POU2F1: variants seen among roughly 807,000 people sequenced by gnomAD.
The protein encoded by POU2F1 is POU domain, class 2, transcription factor 1.
A neutral mutation model predicts 84.9 loss-of-function variants in POU2F1; 16 were observed. That is an observed-to-expected ratio of 0.19 (90% CI 0.13 to 0.29). The LOEUF is 0.29. Among genes scored for constraint, POU2F1 ranks in the 10% least tolerant of loss-of-function variants. POU2F1 has a pLI of 1.00. For missense variants in POU2F1, 738 were observed against 942.6 expected (o/e 0.78, Z 2.84); for synonymous variants, 368 against 368.3 (o/e 1.00, Z 0.01).
chr1:167,260,033 C>A (rs1651438222), intron 1 of POU2F1, among the ~76,000 whole-genome samples: 2 of 152,118 alleles, frequency 1.3e-5, no homozygotes, highest in Admixed American at 1.3e-4. Context: ...CACCCGCCAC[C>A]ACGCCCGGCA....
At chr1:167,300,082 CA>C (rs1457931286) in intron 1 of POU2F1, among the ~76,000 whole-genome samples, 3 of 152,142 alleles carry the variant, frequency 2.0e-5, no homozygotes, top group Non-Finnish European at 4.4e-5. Context: ...ACTACACAAC[CA>C]TAAAAAGAAC....
At chr1:167,399,041 C>T in intron 11 of POU2F1, 145 bp from the exon 12 acceptor site, 1 of 628,022 alleles carries the variant, frequency 1.6e-6, no homozygotes, top group Non-Finnish European at 2.6e-6. Flanking sequence ...GAACTTCTAT[C>T]TACACAATCT....
At chr1:167,354,539 G>A (rs1571354788) in intron 2 of POU2F1, among the ~76,000 whole-genome samples, 2 of 152,124 alleles carry the variant, frequency 1.3e-5, no homozygotes, top group African/African-American at 2.4e-5. Flanking sequence ...TGATCTGCCC[G>A]TCTCGGCCTC....
intron 4 of POU2F1, among the ~76,000 whole-genome samples, chr1:167,371,151 T>G (rs546013219): frequency 6.6e-6 from 1 of 152,280 alleles, no homozygotes; most frequent in Admixed American, 6.5e-5. Context: ...GGCGGAAAAT[T>G]GCCTTGGTTG....
chr1:167,335,212 T>C (rs1034570562), intron 2 of POU2F1, among the ~76,000 whole-genome samples: 4 of 152,166 alleles, frequency 2.6e-5, no homozygotes, highest in South Asian at 2.1e-4. Flanking sequence ...ACAATGCAAA[T>C]AGATGAAATA....
intron 1 of POU2F1, among the ~76,000 whole-genome samples, chr1:167,284,868 GTTGAA>G (rs1273931687): frequency 6.6e-6 from 1 of 152,154 alleles, no homozygotes; most frequent in Non-Finnish European, 1.5e-5. Flanking sequence ...ATAAATGTTT[GTTGAA>G]TTGAATTGAA....
intron 1 of POU2F1, among the ~76,000 whole-genome samples, chr1:167,253,111 T>G (rs1210236718): frequency 1.3e-5 from 2 of 152,230 alleles, no homozygotes; most frequent in Non-Finnish European, 2.9e-5. Context: ...AATTTACTGT[T>G]GAAATACTTG....
chr1:167,358,294 G>A (rs1313853553), intron 2 of POU2F1, among the ~76,000 whole-genome samples: 1 of 151,540 alleles, frequency 6.6e-6, no homozygotes, highest in African/African-American at 2.4e-5. Flanking sequence ...TAGTAGATTA[G>A]GTTTGCTATT....
chr1:167,231,686 T>C (rs1649071484), intron 1 of POU2F1, among the ~76,000 whole-genome samples: 2 of 152,110 alleles, frequency 1.3e-5, no homozygotes, highest in Non-Finnish European at 2.9e-5. Flanking sequence ...GTTGGGGAAA[T>C]CATATGTTAA....
chr1:167,416,939 G>GTGTT lies in POU2F1; in HGVS notation c.*1142_*1145dup, dbSNP rs1238936894. On this transcript the variant is annotated 3_prime_UTR_variant, in exon 16 of 16. Coordinates refer to ENST00000367866, the MANE Select transcript of POU2F1 (RefSeq NM_002697.4). ...CCTGAAAAATGCTCCTGCTGTTGGT[G>GTGTT]TGTTTGTTTGTTTGTTCCATTTTGT... 3 of 152,076 alleles carry GTGTT rather than the reference G, an allele frequency of 2.0e-5. No individual in the cohort carries two copies. Among genetic ancestry groups the GTGTT allele is most frequent in the African/African-American group, 7.2e-5 (3 of 41,392 alleles). 9.4% of individuals were successfully genotyped at this position (152,076 alleles called of 1,614,324 possible). A position where few individuals can be genotyped will look rare whatever the true frequency, so the allele number is the denominator to read the frequency against.
chr1:167,264,647 T>C (rs1651811196), intron 1 of POU2F1, among the ~76,000 whole-genome samples: 1 of 152,216 alleles, frequency 6.6e-6, no homozygotes, highest in African/African-American at 2.4e-5. Flanking sequence ...GTCTCCACCC[T>C]GGTATAAATC....
chr1:167,415,492 G>A lies in POU2F1; in HGVS notation c.1991-8G>A. ...TTCCTGCCTGTTTTGGGGGGTTTTT[G>A]TCTGTAGCTCTTGCTTCTGGTGGCT... On this transcript the variant is annotated splice_region_variant and splice_polypyrimidine_tract_variant and intron_variant, in intron 15 of 15. Transcript: ENST00000367866. 6.2e-7 allele frequency: 1 copy of A among 1,612,638 alleles called. No individual in the cohort carries two copies. The highest frequency in any genetic ancestry group is 8.5e-7 in the Non-Finnish European group (1 of 1,179,192).
intron 2 of POU2F1, among the ~76,000 whole-genome samples, chr1:167,349,555 C>T (rs750232590): frequency 1.6e-4 from 24 of 152,262 alleles, no homozygotes; most frequent in Non-Finnish European, 2.8e-4. Context: ...ACAGTGCTTG[C>T]TATACAGTAT....
chr1:167,295,654 TAA>T (rs1244403843), intron 1 of POU2F1, among the ~76,000 whole-genome samples: 2 of 152,226 alleles, frequency 1.3e-5, no homozygotes, highest in African/African-American at 4.8e-5. Flanking sequence ...ATTGAAATTT[TAA>T]AAGACATTTT....
In POU2F1 at chr1:167,417,204, C is replaced by G. The variant is rs967279436; in HGVS notation, c.*1394C>G. Reference sequence around the variant, plus strand: ...AAATTCCTCTAACCCTGAGATTCTTCTTGGTTCTCTGACTAAAGGAGGCAC... The same window carrying G: ...AAATTCCTCTAACCCTGAGATTCTTGTTGGTTCTCTGACTAAAGGAGGCAC... On this transcript the variant is annotated 3_prime_UTR_variant, in exon 16 of 16. Coordinates refer to ENST00000367866, the MANE Select transcript of POU2F1 (RefSeq NM_002697.4). The G allele has an allele frequency of 6.6e-6, 1 of 152,204 alleles. No homozygotes were observed. Among genetic ancestry groups the G allele is most frequent in the Non-Finnish European group, 1.5e-5 (1 of 68,044 alleles). 9.4% of individuals were successfully genotyped at this position (152,204 alleles called of 1,614,324 possible). A position where few individuals can be genotyped will look rare whatever the true frequency, so the allele number is the denominator to read the frequency against.
At chr1:167,356,699 A>G (rs760442064) in intron 2 of POU2F1, among the ~76,000 whole-genome samples, 18 of 152,180 alleles carry the variant, frequency 1.2e-4, no homozygotes, top group Non-Finnish European at 1.9e-4. Context: ...GTGGAAGTTT[A>G]CTTACAAAGG....
At chr1:167,258,113 A>G (rs1460677680) in intron 1 of POU2F1, among the ~76,000 whole-genome samples, 1 of 152,184 alleles carries the variant, frequency 6.6e-6, no homozygotes, top group South Asian at 2.1e-4. Context: ...CACCGCTGAG[A>G]TGTAAACATA....
At position 167,374,143 on chromosome 1, in the gene POU2F1, C is replaced by A; in HGVS notation, c.438C>A (p.Leu146=). Residue 146 remains leucine (L), a synonymous_variant, in exon 6 of 16, where the codon CTC becomes CTA. Transcript: ENST00000367866. ...CGCCTGCCCAGCAACAGTTACTACT[C>A]CAGCAGGCACAGGCACAGGCACAGC... ...TLTPAQQQLL[L]QQAQAQAQLL... 1.2e-6 allele frequency: 2 copies of A among 1,614,112 alleles called. No homozygotes were observed. The highest frequency in any genetic ancestry group is 1.1e-5 in the South Asian group (1 of 91,054).
At chr1:167,389,907 A>T in intron 9 of POU2F1, 146 bp downstream of exon 9, 1 of 827,830 alleles carries the variant, frequency 1.2e-6, no homozygotes, top group Non-Finnish European at 1.9e-6. Flanking sequence ...TCATGTCTGT[A>T]CTGAACATGT....
Sources: gnomAD v4.1 joint callset for allele counts (sites outside exome capture counted in the v4.1 genomes callset) on GRCh38, gnomAD v4.1.1 for gene constraint, MANE v1.5 for transcripts, NCBI Gene and HGNC (gene_info 2026-07-23, HGNC 2026-07-21) for gene names.